SPRY1: variants seen among roughly 807,000 people sequenced by gnomAD.
The protein encoded by SPRY1 is sprouty RTK signaling antagonist 1.
In SPRY1, 20 loss-of-function variants were observed where a neutral mutation model predicts 22.6. That is an observed-to-expected ratio of 0.89 (90% CI 0.62 to 1.29). The LOEUF (loss-of-function observed/expected upper bound fraction) is 1.29, where lower values mean the gene tolerates loss of function less well. Ranked by LOEUF, SPRY1 falls within the 50% of genes most tolerant of loss-of-function variation. SPRY1 has a pLI of 0.00. For missense variants in SPRY1, 446 were observed against 387.7 expected (o/e 1.15, Z -1.26); for synonymous variants, 155 against 144.7 (o/e 1.07, Z -0.51).
In SPRY1 at chr4:123,402,345, C is replaced by T. The variant is rs753793837; in HGVS notation, c.754C>T (p.His252Tyr). The T allele has an allele frequency of 1.2e-6, 2 of 1,614,216 alleles. No individual in the cohort carries two copies. The highest frequency in any genetic ancestry group is 1.7e-6 in the Non-Finnish European group (2 of 1,180,032). Residue 252 changes from histidine (H) to tyrosine (Y), a missense_variant, in exon 3 of 3, where the codon CAC becomes TAC. Transcript: ENST00000651917. Reference sequence around the variant, plus strand: ...TAATCCTTGCTCCTGTTCACAATCACACTGCTGCTCTAGATACCTGTGTAT... The same window carrying T: ...TAATCCTTGCTCCTGTTCACAATCATACTGCTGCTCTAGATACCTGTGTAT... ...SDNPCSCSQS[H>Y]CCSRYLCMGA...
intron 1 of SPRY1, among the ~76,000 whole-genome samples, 184 bp from the exon 2 acceptor site, chr4:123,397,427 A>G (rs1298895026): frequency 6.6e-6 from 1 of 152,182 alleles, no homozygotes; most frequent in Non-Finnish European, 1.5e-5. Context: ...AACGTGCAGG[A>G]CTGCATGTTA....
At chr4:123,401,469 C>G in intron 2 of SPRY1, 68 bp from the exon 3 acceptor site, 381 of 792,388 alleles carry the variant, frequency 4.8e-4, no homozygotes, top group East Asian at 8.2e-4. Flanking sequence ...TGACAGGATT[C>G]CCCCCCCCCA....
Position 123,402,033 on chromosome 4 carries a change from C to T in SPRY1, c.442C>T (p.His148Tyr). Residue 148 changes from histidine (H) to tyrosine (Y), a missense_variant, in exon 3 of 3, where the codon CAT (histidine) becomes TAT (tyrosine). Physicochemically the swap from His to Tyr is moderately conservative, Grantham distance 83. Transcript: ENST00000651917. The stretch of plus-strand genomic sequence containing the variant: ...ACCACCAACCAGACCAGTCCCTGGT[C>T]ATAGGTCTGAAAGGGCAATCCGGAC... Reference protein sequence around the residue: ...RSPPTRPVPGHRSERAIRTQP... With the variant: ...RSPPTRPVPGYRSERAIRTQP... 1 of 1,614,088 alleles carries T rather than the reference C, an allele frequency of 6.2e-7. No homozygotes were observed. Among genetic ancestry groups the T allele is most frequent in the Non-Finnish European group, 8.5e-7 (1 of 1,180,016 alleles).
chr4:123,402,405 T>A lies in SPRY1; in HGVS notation c.814T>A (p.Cys272Ser). The A allele has an allele frequency of 3.1e-6, 5 of 1,614,184 alleles. No individual in the cohort carries two copies. The highest frequency in any genetic ancestry group is 4.2e-6 in the Non-Finnish European group (5 of 1,180,030). ...AMSLFLPCLL[C>S]YPPAKGCLKL... ...GTCTTTATTTTTACCTTGCTTACTC[T>A]GTTATCCTCCTGCTAAAGGATGCCT... The change falls in exon 3 of 3, where the codon TGT (cysteine) becomes AGT (serine). Residue 272 changes from cysteine to serine, a missense_variant. Coordinates refer to ENST00000651917, the MANE Select transcript of SPRY1 (RefSeq NM_001258038.2).
At position 123,402,668 on chromosome 4, in the gene SPRY1, C is replaced by T. The variant is rs1004583075; in HGVS notation, c.*117C>T. 7 of 1,334,298 alleles carry T rather than the reference C, an allele frequency of 5.2e-6. No homozygotes were observed. The highest frequency in any genetic ancestry group is 5.1e-6 in the Non-Finnish European group (5 of 979,750). The allele number at this position is 1,334,298 out of a possible 1,614,324, so 82.7% of individuals were successfully genotyped here. On this transcript the variant is annotated 3_prime_UTR_variant, in exon 3 of 3. Coordinates refer to ENST00000651917, the MANE Select transcript of SPRY1 (RefSeq NM_001258038.2). ...TTTCCCTGTTTCCCACCTTCTCTTC[C>T]CCTGTTGCCAAGGTCTAACTCATGG... is the stretch of plus-strand genomic sequence containing the variant.
At position 123,401,754 on chromosome 4, in the gene SPRY1, G is replaced by A. The variant is rs181355842; in HGVS notation, c.163G>A (p.Glu55Lys). 5.6e-6 allele frequency: 9 copies of A among 1,614,212 alleles called. No homozygotes were observed. The East Asian group carries it at 1.6e-4, about 28-fold the overall frequency. The change falls in exon 3 of 3, where the codon GAA becomes AAA. Residue 55 changes from glutamate (E) to lysine (K), a missense_variant. By Grantham distance (56) the Glu-to-Lys change is moderately conservative (BLOSUM62 1). Coordinates refer to ENST00000651917, the MANE Select transcript of SPRY1 (RefSeq NM_001258038.2). ...KAIRGSNEYT[E>K]GPSVVKRPAP... ...CATAAGAGGCAGCAATGAATACACA[G>A]AAGGGCCTTCGGTGGTGAAAAGACC... is the stretch of plus-strand genomic sequence containing the variant.
intron 2 of SPRY1, among the ~76,000 whole-genome samples, chr4:123,399,244 C>G (rs139093767): frequency 0.015 from 2,284 of 152,226 alleles, 22 homozygotes; most frequent in Middle Eastern, 0.051. Flanking sequence ...GCCGTGGTGA[C>G]GCGCGACTGT....
Position 123,402,981 on chromosome 4 carries a change from A to C in SPRY1, c.*430A>C, listed in dbSNP as rs1579160775. ...AATTGCTTAAATAAGCTATGTATTA[A>C]ATCTGTCTCCAGTTAGGGCTATCTT... is the stretch of plus-strand genomic sequence containing the variant. On this transcript the variant is annotated 3_prime_UTR_variant, in exon 3 of 3. Transcript: ENST00000651917. The C allele has an allele frequency of 2.4e-6, 1 of 420,686 alleles. No homozygotes were observed. Among genetic ancestry groups the C allele is most frequent in the East Asian group, 3.5e-5 (1 of 28,504 alleles). The allele number at this position is 420,686 out of a possible 1,614,324, so 26.1% of individuals were successfully genotyped here.
Position 123,401,918 on chromosome 4 carries a change from C to T in SPRY1, c.327C>T (p.Pro109=). Residue 109 remains proline, a synonymous_variant, in exon 3 of 3, where the codon CCC becomes CCT. Transcript: ENST00000651917. ...TACTCCCAAGTAATGCCAGGGGCCC[C>T]ATTTTGAGCAGATCAACCAGCACTG... ...HAVLPSNARG[P]ILSRSTSTGS... The T allele has an allele frequency of 6.2e-7, 1 of 1,614,172 alleles. No individual in the cohort carries two copies. The highest frequency in any genetic ancestry group is 8.5e-7 in the Non-Finnish European group (1 of 1,180,032).
chr4:123,402,687 C>T lies in SPRY1; in HGVS notation c.*136C>T. The T allele has an allele frequency of 1.7e-6, 2 of 1,168,954 alleles. No homozygotes were observed. Among genetic ancestry groups the T allele is most frequent in the Non-Finnish European group, 2.4e-6 (2 of 839,594 alleles). 72.4% of individuals were successfully genotyped at this position (1,168,954 alleles called of 1,614,324 possible). ...CTCTTCCCCTGTTGCCAAGGTCTAACTCATGGATTTTTCTCTTTCCTCATG... is the reference window on the plus strand; with the variant it reads ...CTCTTCCCCTGTTGCCAAGGTCTAATTCATGGATTTTTCTCTTTCCTCATG... On this transcript the variant is annotated 3_prime_UTR_variant, in exon 3 of 3. Transcript: ENST00000651917.
intron 2 of SPRY1, among the ~76,000 whole-genome samples, chr4:123,398,832 G>T (rs957770571): frequency 6.6e-6 from 1 of 151,792 alleles, no homozygotes; most frequent in Non-Finnish European, 1.5e-5. Flanking sequence ...TCCTCTCGGA[G>T]AGCCCTTCAC....
Position 123,401,758 on chromosome 4 carries a change from G to A in SPRY1, c.167G>A (p.Gly56Glu). 1 of 1,614,140 alleles carries A rather than the reference G, an allele frequency of 6.2e-7. No individual in the cohort carries two copies. The highest frequency in any genetic ancestry group is 8.5e-7 in the Non-Finnish European group (1 of 1,180,034). ...AIRGSNEYTEGPSVVKRPAPR... is the reference protein window; with the variant it reads ...AIRGSNEYTEEPSVVKRPAPR... The stretch of plus-strand genomic sequence containing the variant: ...AGAGGCAGCAATGAATACACAGAAG[G>A]GCCTTCGGTGGTGAAAAGACCTGCT... Residue 56 changes from glycine (G) to glutamate (E), a missense_variant, in exon 3 of 3, where the codon GGG (glycine) becomes GAG (glutamate). Coordinates refer to ENST00000651917, the MANE Select transcript of SPRY1 (RefSeq NM_001258038.2).
chr4:123,400,864 TTGTG>T (rs1553946128), intron 2 of SPRY1, among the ~76,000 whole-genome samples: 2 of 151,870 alleles, frequency 1.3e-5, no homozygotes, highest in Non-Finnish European at 2.9e-5. Flanking sequence ...ACATTGAGTC[TTGTG>T]TGTGTGTGTG....
At chr4:123,400,818 AAT>A (rs1289261945) in intron 2 of SPRY1, among the ~76,000 whole-genome samples, 5 of 152,230 alleles carry the variant, frequency 3.3e-5, no homozygotes, top group Non-Finnish European at 7.3e-5. Context: ...CAGGATTTCA[AAT>A]ATGAGTACTG....
chr4:123,401,642 G>A lies in SPRY1; in HGVS notation c.51G>A (p.Gln17=). The A allele has an allele frequency of 4.3e-6, 7 of 1,614,186 alleles. No individual in the cohort carries two copies. The highest frequency in any genetic ancestry group is 5.9e-6 in the Non-Finnish European group (7 of 1,180,046). The part of the protein sequence containing the change: ...HGSGSSLVVI[Q]QPSLDSRQRL... ...GTGGCAGTTCGTTAGTTGTGATCCA[G>A]CAGCCTTCTTTGGATAGCCGTCAGA... The change falls in exon 3 of 3, where the codon CAG becomes CAA. Residue 17 remains glutamine (Q), a synonymous_variant. Coordinates refer to ENST00000651917, the MANE Select transcript of SPRY1 (RefSeq NM_001258038.2).
Position 123,402,651 on chromosome 4 carries a change from T to G in SPRY1, c.*100T>G, listed in dbSNP as rs993078015. On this transcript the variant is annotated 3_prime_UTR_variant, in exon 3 of 3. Coordinates refer to ENST00000651917, the MANE Select transcript of SPRY1 (RefSeq NM_001258038.2). ...TTGTTTTCTTTAGAATTTTTCCCTG[T>G]TTCCCACCTTCTCTTCCCCTGTTGC... 1.2e-5 allele frequency: 17 copies of G among 1,443,984 alleles called. No individual in the cohort carries two copies. The highest frequency in any genetic ancestry group is 4.7e-5 in the Admixed American group (2 of 42,480). The allele number at this position is 1,443,984 out of a possible 1,614,324, so 89.4% of individuals were successfully genotyped here. A position where few individuals can be genotyped will look rare whatever the true frequency, so the allele number is the denominator to read the frequency against.
Position 123,402,673 on chromosome 4 carries a change from T to G in SPRY1, c.*122T>G, listed in dbSNP as rs1579160499. 1 of 1,284,152 alleles carries G rather than the reference T, an allele frequency of 7.8e-7. No individual in the cohort carries two copies. 79.5% of individuals were successfully genotyped at this position (1,284,152 alleles called of 1,614,324 possible). A position where few individuals can be genotyped will look rare whatever the true frequency, so the allele number is the denominator to read the frequency against. ...CTGTTTCCCACCTTCTCTTCCCCTGTTGCCAAGGTCTAACTCATGGATTTT... is the reference window on the plus strand; with the variant it reads ...CTGTTTCCCACCTTCTCTTCCCCTGGTGCCAAGGTCTAACTCATGGATTTT... On this transcript the variant is annotated 3_prime_UTR_variant, in exon 3 of 3. Coordinates refer to ENST00000651917, the MANE Select transcript of SPRY1 (RefSeq NM_001258038.2).
chr4:123,396,819 A>C lies in SPRY1; in HGVS notation c.-415A>C, dbSNP rs796551350. 6 of 152,366 alleles carry C rather than the reference A, an allele frequency of 3.9e-5. No individual in the cohort carries two copies. The highest frequency in any genetic ancestry group is 1.4e-4 in the African/African-American group (6 of 41,576). 9.4% of individuals were successfully genotyped at this position (152,366 alleles called of 1,614,324 possible). Reference sequence around the variant, plus strand: ...CGTAGCCGGAGTGAGACCGCTCTGCAAACCACTGCGTGCTTTGCAGAGTGA... The same window carrying C: ...CGTAGCCGGAGTGAGACCGCTCTGCCAACCACTGCGTGCTTTGCAGAGTGA... On this transcript the variant is annotated 5_prime_UTR_variant, in exon 1 of 3. Coordinates refer to ENST00000651917, the MANE Select transcript of SPRY1 (RefSeq NM_001258038.2).
chr4:123,401,668 G>C lies in SPRY1; in HGVS notation c.77G>C (p.Arg26Thr), dbSNP rs756227593. 1.9e-6 allele frequency: 3 copies of C among 1,614,030 alleles called. No homozygotes were observed. The highest frequency in any genetic ancestry group is 2.7e-5 in the African/African-American group (2 of 74,888). ...IQQPSLDSRQ[R>T]LDYEREIQPT... ...CAGCCTTCTTTGGATAGCCGTCAGA[G>C]ATTAGACTATGAGAGAGAGATTCAG... is the stretch of plus-strand genomic sequence containing the variant. Residue 26 changes from arginine (R) to threonine (T), a missense_variant, in exon 3 of 3, where the codon AGA becomes ACA. By Grantham distance (71) the Arg-to-Thr change is moderately conservative. Transcript: ENST00000651917.
Sources: gnomAD v4.1 joint callset for allele counts (sites outside exome capture counted in the v4.1 genomes callset) on GRCh38, gnomAD v4.1.1 for gene constraint, MANE v1.5 for transcripts, NCBI Gene and HGNC (gene_info 2026-07-23, HGNC 2026-07-21) for gene names.